Variants in MTMR9 observed in about 807,000 individuals in gnomAD.
MTMR9 encodes myotubularin-related protein 9.
MTMR9 carries 39 observed loss-of-function variants against 69.5 expected under a neutral mutation model. The observed-to-expected ratio is 0.56, with a 90% CI of 0.43 to 0.73. MTMR9 has a LOEUF of 0.73. Among genes scored for constraint, MTMR9 ranks in the 30% least tolerant of loss-of-function variants. The pLI is 0.00. For synonymous variants in MTMR9, 354 were observed against 240.8 expected (o/e 1.47, Z -4.35); for missense variants, 900 against 671.2 (o/e 1.34, Z -3.77).
chr8:11,292,790 C>G (rs1015962703), intron 1 of MTMR9, among the ~76,000 whole-genome samples: 3 of 152,100 alleles, frequency 2.0e-5, no homozygotes, highest in African/African-American at 7.2e-5. Context: ...TTATAATGGA[C>G]CTGAAAAGTT....
intron 5 of MTMR9, among the ~76,000 whole-genome samples, chr8:11,307,247 T>G (rs1246666155): frequency 1.3e-5 from 2 of 152,124 alleles, no homozygotes; most frequent in Non-Finnish European, 2.9e-5. Flanking sequence ...AATTTTTGTA[T>G]TTTTAGCAGA....
chr8:11,314,822 G>T, intron 6 of MTMR9, 101 bp from the exon 7 acceptor site: 1 of 1,134,956 alleles, frequency 8.8e-7, no homozygotes, highest in Non-Finnish European at 1.3e-6. Context: ...ACTGAACTCA[G>T]TAGACTAAAA....
chr8:11,314,594 A>T lies in MTMR9; in HGVS notation c.972-329A>T, dbSNP rs1055162369. Among the ~76,000 whole-genome samples the T allele has an allele frequency of 2.6e-5, 4 of 152,334 alleles. No homozygotes were observed. In the East Asian group the frequency reaches 7.7e-4, roughly 29 times the overall value. ...GAAAGGGTAAATGCCTTCTGTGTTAAGAGCTGCTTTTTGGTTTTGAAAAGG... is the reference window on the plus strand; with the variant it reads ...GAAAGGGTAAATGCCTTCTGTGTTATGAGCTGCTTTTTGGTTTTGAAAAGG... On this transcript the variant is annotated intron_variant, in intron 6 of 9. Coordinates refer to ENST00000221086, the MANE Select transcript of MTMR9 (RefSeq NM_015458.4).
downstream of MTMR9, chr8:11,331,706 C>T: frequency 8.8e-6 from 14 of 1,595,044 alleles, no homozygotes; most frequent in Admixed American, 1.7e-5. Context: ...TCCTGGGAGG[C>T]CTGGCGCTGT....
intron 3 of MTMR9, among the ~76,000 whole-genome samples, chr8:11,302,170 T>G (rs1585117597): frequency 6.8e-6 from 1 of 148,134 alleles, no homozygotes; most frequent in South Asian, 2.1e-4. Flanking sequence ...GGAGAATGGC[T>G]TGAGCCCAGA....
intron 2 of MTMR9, among the ~76,000 whole-genome samples, chr8:11,298,532 G>A (rs3808515): frequency 0.66 from 99,876 of 151,792 alleles, 34,444 homozygotes; most frequent in East Asian, 0.89. Context: ...CTGCTGAGCT[G>A]TATGTCCGGT....
At chr8:11,297,863 C>T (rs778468644) in intron 2 of MTMR9, 24 of 456,140 alleles carry the variant, frequency 5.3e-5, no homozygotes, top group Non-Finnish European at 9.7e-5. Flanking sequence ...TAGTGATTAA[C>T]ATAGTGAACC....
In MTMR9 at chr8:11,316,654, G is replaced by C. The variant is rs112805340; in HGVS notation, c.1114-19G>C. On this transcript the variant is annotated intron_variant, in intron 7 of 9. Coordinates refer to ENST00000221086, the MANE Select transcript of MTMR9 (RefSeq NM_015458.4). Reference sequence around the variant, plus strand: ...GATCTCACCAGGATATGACTGTCACGCCTCCATCTTCCCCCTAGGCTGGTC... The same window carrying C: ...GATCTCACCAGGATATGACTGTCACCCCTCCATCTTCCCCCTAGGCTGGTC... 2 of 1,548,154 alleles carry C rather than the reference G, an allele frequency of 1.3e-6. No homozygotes were observed. The highest frequency in any genetic ancestry group is 1.4e-5 in the African/African-American group (1 of 72,846).
In MTMR9 at chr8:11,295,265, G is replaced by T; in HGVS notation, c.254G>T (p.Gly85Val). Reference sequence around the variant, plus strand: ...CGAATTATTCAGTTGGATATTCCTGGAATGGAGGAATGCTTGAATATAGCC... The same window carrying T: ...CGAATTATTCAGTTGGATATTCCTGTAATGGAGGAATGCTTGAATATAGCC... ...DFRIIQLDIP[G>V]MEECLNIASS... Residue 85 changes from glycine (G) to valine (V), a missense_variant, in exon 2 of 10, where the codon GGA (glycine) becomes GTA (valine). Gly to Val is a moderately radical substitution (Grantham distance 109). Transcript: ENST00000221086. The T allele has an allele frequency of 1.2e-6, 2 of 1,609,224 alleles. No individual in the cohort carries two copies. The highest frequency in any genetic ancestry group is 1.7e-6 in the Non-Finnish European group (2 of 1,176,170).
chr8:11,309,465 T>C lies in MTMR9; in HGVS notation c.810-62T>C, dbSNP rs979372107. The stretch of plus-strand genomic sequence containing the variant: ...GATATGTTGGAGGCTGAATCTTTGG[T>C]TTGGTTTCTTTATCTTTCTATTTTC... On this transcript the variant is annotated intron_variant, in intron 5 of 9. Coordinates refer to ENST00000221086, the MANE Select transcript of MTMR9 (RefSeq NM_015458.4). 6 of 1,439,138 alleles carry C rather than the reference T, an allele frequency of 4.2e-6. No individual in the cohort carries two copies. The African/African-American group carries it at 5.7e-5, about 14-fold the overall frequency. The allele number at this position is 1,439,138 out of a possible 1,614,324, so 89.1% of individuals were successfully genotyped here. A position where few individuals can be genotyped will look rare whatever the true frequency, so the allele number is the denominator to read the frequency against.
chr8:11,318,863 A>C (rs1209653972), intron 8 of MTMR9: 1 of 152,050 alleles, frequency 6.6e-6, no homozygotes, highest in East Asian at 1.9e-4. Context: ...GTTTTGTTTG[A>C]GATTTGACTC....
At chr8:11,308,205 A>G (rs1257489984) in intron 5 of MTMR9, among the ~76,000 whole-genome samples, 1 of 151,970 alleles carries the variant, frequency 6.6e-6, no homozygotes, top group Non-Finnish European at 1.5e-5. Flanking sequence ...ATCTACTTTG[A>G]GTTGATTTTT....
At chr8:11,332,343 A>G (rs1180831687), downstream of MTMR9, 4 of 838,924 alleles carry the variant, frequency 4.8e-6, no homozygotes, top group African/African-American at 3.5e-5. Context: ...TTACAGGAAT[A>G]AAATTAATTG....
rs947046552 is a variant in MTMR9 at position 11,287,117 on chromosome 8, A to G, written c.182+2047A>G. On this transcript the variant is annotated intron_variant, in intron 1 of 9. Coordinates refer to ENST00000221086, the MANE Select transcript of MTMR9 (RefSeq NM_015458.4). ...CATTTCGACCGCTACCTCCTTCACA[A>G]ATTCTTCTGTTAATTCCACAACTGG... Among the ~76,000 whole-genome samples the G allele has an allele frequency of 4.6e-5, 7 of 152,276 alleles. No homozygotes were observed. The East Asian group carries it at 9.6e-4, about 21-fold the overall frequency.
intron 1 of MTMR9, among the ~76,000 whole-genome samples, chr8:11,290,209 T>C (rs1799332150): frequency 1.3e-5 from 2 of 152,244 alleles, no homozygotes; most frequent in South Asian, 2.1e-4. Context: ...TATTAGTGTT[T>C]AATTATCTTT....
chr8:11,301,805 A>C (rs925845043), intron 3 of MTMR9, among the ~76,000 whole-genome samples: 10 of 152,250 alleles, frequency 6.6e-5, no homozygotes, highest in Non-Finnish European at 1.0e-4. Flanking sequence ...AGCTGATTAG[A>C]AACAGCTTAG....
At chr8:11,288,049 C>T (rs1344491598) in intron 1 of MTMR9, among the ~76,000 whole-genome samples, 24 of 117,990 alleles carry the variant, frequency 2.0e-4, no homozygotes, top group South Asian at 9.7e-4. Context: ...TTATATAATA[C>T]GTATTATATA....
intron 1 of MTMR9, 58 bp downstream of exon 1, chr8:11,285,128 C>CG: frequency 6.9e-7 from 1 of 1,448,346 alleles, no homozygotes; most frequent in Non-Finnish European, 9.2e-7. Context: ...GTGGGCGCCC[C>CG]GGGAAATACT....
chr8:11,336,504 C>G, the MTMR9 span, among the ~76,000 whole-genome samples: 1 of 152,220 alleles, frequency 6.6e-6, no homozygotes, highest in Non-Finnish European at 1.5e-5. Context: ...TAAAATACTT[C>G]TTTAGTCTTC....
Sources: gnomAD v4.1 joint callset for allele counts (sites outside exome capture counted in the v4.1 genomes callset) on GRCh38, gnomAD v4.1.1 for gene constraint, MANE v1.5 for transcripts, NCBI Gene and HGNC (gene_info 2026-07-23, HGNC 2026-07-21) for gene names.